SVOPL: variants seen among roughly 807,000 people sequenced by gnomAD.
SVOPL encodes the protein SVOP like.
In SVOPL, 60 loss-of-function variants were observed where a neutral mutation model predicts 61.0. The observed-to-expected ratio is 0.98, with a 90% CI of 0.80 to 1.22. SVOPL has a LOEUF of 1.22. Ranked by LOEUF, SVOPL falls within the 50% of genes most tolerant of loss-of-function variation. SVOPL has a pLI of 0.00. For missense variants in SVOPL, 662 were observed against 643.9 expected, an observed-to-expected ratio of 1.03 and a Z score of -0.30; for synonymous variants, 279 against 250.0, an observed-to-expected ratio of 1.12 and a Z score of -1.09.
chr7:138,626,371 A>T (rs1365306969), intron 12 of SVOPL, among the ~76,000 whole-genome samples: 1 of 152,144 alleles, frequency 6.6e-6, no homozygotes, highest in East Asian at 1.9e-4. Flanking sequence ...TGAGGCCAGG[A>T]GTTCAAGACT....
rs1217336837 is a variant in SVOPL, at chr7:138,701,195, A to T, written c.-52T>A. The T allele has an allele frequency of 6.6e-6, 1 of 152,206 alleles. No individual in the cohort carries two copies. The highest frequency in any genetic ancestry group is 1.5e-5 in the Non-Finnish European group (1 of 68,056). The allele number at this position is 152,206 out of a possible 1,614,324, so 9.4% of individuals were successfully genotyped here. ...TTTCTCACCTCTGTATATTCCTTGG[A>T]CAGTCTTCCAATTTCAGGCTCTTTT... On this transcript the variant is annotated 5_prime_UTR_variant, in exon 1 of 16. Coordinates refer to ENST00000674285, the MANE Select transcript of SVOPL (RefSeq NM_001139456.2).
chr7:138,693,563 A>AAGAAAGAG (rs1473324160), intron 1 of SVOPL, among the ~76,000 whole-genome samples: 1 of 135,110 alleles, frequency 7.4e-6, no homozygotes, highest in Non-Finnish European at 1.5e-5. Context: ...GAAAGAAAGA[A>AAGAAAGAG]AGAAAGAAAG....
intron 9 of SVOPL, among the ~76,000 whole-genome samples, chr7:138,643,890 CTG>C (rs1563113966): frequency 1.3e-5 from 2 of 152,004 alleles, no homozygotes; most frequent in African/African-American, 4.8e-5. Flanking sequence ...CATTTAAAAA[CTG>C]TTAAGATAAT....
intron 1 of SVOPL, among the ~76,000 whole-genome samples, chr7:138,689,856 C>CAAAAA (rs71520015): frequency 9.4e-6 from 1 of 106,576 alleles, no homozygotes; most frequent in Non-Finnish European, 1.9e-5. Flanking sequence ...GACTCCGTCT[C>CAAAAA]AAAAAAAAAA....
intron 14 of SVOPL, among the ~76,000 whole-genome samples, chr7:138,605,475 A>G (rs1012758894): frequency 1.1e-4 from 16 of 152,084 alleles, no homozygotes; most frequent in Non-Finnish European, 2.4e-4. Flanking sequence ...CAGCCTGGCC[A>G]ACACAGCGAA....
intron 1 of SVOPL, among the ~76,000 whole-genome samples, chr7:138,684,606 AAG>A (rs934794764): frequency 2.6e-5 from 4 of 152,184 alleles, no homozygotes; most frequent in African/African-American, 9.6e-5. Context: ...TCAAAAGGTC[AAG>A]AGAGAGATAG....
chr7:138,698,930 C>T (rs1194021290), intron 1 of SVOPL, among the ~76,000 whole-genome samples: 1 of 152,174 alleles, frequency 6.6e-6, no homozygotes, highest in Non-Finnish European at 1.5e-5. Flanking sequence ...GAGGGTGGAT[C>T]ACCTGAGGTC....
intron 15 of SVOPL, among the ~76,000 whole-genome samples, chr7:138,596,188 TAAAAAAAAAAA>T (rs34972084): frequency 8.3e-6 from 1 of 120,348 alleles, no homozygotes; most frequent in Non-Finnish European, 1.7e-5. Context: ...GACTCTGTCT[TAAAAAAAAAAA>T]AAAAAAAAGA....
intron 1 of SVOPL, among the ~76,000 whole-genome samples, chr7:138,685,172 TCCACCTGCCTCAGCCTC>T (rs560810336): frequency 7.8e-4 from 118 of 152,246 alleles, no homozygotes; most frequent in Non-Finnish European, 1.3e-3. Context: ...CCTCAGGTGA[TCCACCTGCCTCAGCCTC>T]CCAAAGTGCT....
chr7:138,638,462 A>G (rs531372815), intron 9 of SVOPL, among the ~76,000 whole-genome samples: 1 of 152,234 alleles, frequency 6.6e-6, no homozygotes, highest in South Asian at 2.1e-4. Flanking sequence ...TGGGCAAACA[A>G]GATTTGGAAG....
intron 6 of SVOPL, among the ~76,000 whole-genome samples, chr7:138,657,134 G>GTTTATTTATTTATTTA (rs147009662): frequency 2.7e-5 from 4 of 147,028 alleles, no homozygotes; most frequent in Non-Finnish European, 6.0e-5. Context: ...TTTCTTATTT[G>GTTTATTTATTTATTTA]TTTATTTATT....
rs527858538 is a variant in SVOPL, at chr7:138,645,353, T to A, written c.661-508A>T. Among the ~76,000 whole-genome samples the A allele has an allele frequency of 2.6e-4, 40 of 152,254 alleles. 2 individuals carry two copies. The South Asian group carries it at 6.4e-3, about 24-fold the overall frequency. ...CGCAGAAAACATTATGGACTTCCAC[T>A]GAAGCTCGAGAATCAACTCTGACCA... On this transcript the variant is annotated intron_variant, in intron 8 of 15. Coordinates refer to ENST00000674285, the MANE Select transcript of SVOPL (RefSeq NM_001139456.2).
At chr7:138,695,397 C>T (rs532203666) in intron 1 of SVOPL, among the ~76,000 whole-genome samples, 15 of 152,184 alleles carry the variant, frequency 9.9e-5, no homozygotes, top group East Asian at 1.9e-4. Context: ...CTGTAGTCCT[C>T]GCTACCTGGG....
intron 14 of SVOPL, among the ~76,000 whole-genome samples, chr7:138,602,544 A>G (rs190089129): frequency 3.2e-4 from 48 of 151,920 alleles, no homozygotes; most frequent in Non-Finnish European, 5.0e-4. Context: ...TATATGCTGT[A>G]AAGAGGTGTC....
intron 1 of SVOPL, among the ~76,000 whole-genome samples, chr7:138,693,484 AAGAG>A (rs1210071412): frequency 2.2e-5 from 2 of 92,642 alleles, no homozygotes; most frequent in Admixed American, 1.1e-4. Flanking sequence ...AAGAGAGAGA[AAGAG>A]AGAGAGAAAG....
intron 9 of SVOPL, among the ~76,000 whole-genome samples, chr7:138,630,668 T>C (rs2116925308): frequency 6.6e-6 from 1 of 152,112 alleles, no homozygotes; most frequent in Non-Finnish European, 1.5e-5. Context: ...ATGGGCTGGG[T>C]GTGGGGGCTC....
chr7:138,594,647 A>G, intron 15 of SVOPL, 26 bp from the exon 16 acceptor site: 1 of 1,562,880 alleles, frequency 6.4e-7, no homozygotes, highest in East Asian at 2.3e-5. Context: ...TTAATAGATC[A>G]GTAATAGACT....
intron 14 of SVOPL, among the ~76,000 whole-genome samples, chr7:138,619,932 G>C (rs1396741118): frequency 6.6e-6 from 1 of 152,108 alleles, no homozygotes; most frequent in Non-Finnish European, 1.5e-5. Flanking sequence ...GGTTCTCAGG[G>C]AGGAGGAAAG....
At chr7:138,651,899 G>A (rs753852817) in intron 7 of SVOPL, among the ~76,000 whole-genome samples, 20 of 152,068 alleles carry the variant, frequency 1.3e-4, no homozygotes, top group Non-Finnish European at 2.5e-4. Context: ...GAAAAGTTGC[G>A]CATCTTTCTT....
Sources: gnomAD v4.1 joint callset for allele counts (sites outside exome capture counted in the v4.1 genomes callset) on GRCh38, gnomAD v4.1.1 for gene constraint, MANE v1.5 for transcripts, NCBI Gene and HGNC (gene_info 2026-07-23, HGNC 2026-07-21) for gene names.